MALRD1: variants seen among roughly 807,000 people sequenced by gnomAD.
MALRD1 encodes the protein MAM and LDL receptor class A domain containing 1.
A neutral mutation model predicts 242.1 loss-of-function variants in MALRD1; 247 were observed. The observed-to-expected ratio is 1.02, with a 90% CI of 0.92 to 1.13. The LOEUF (loss-of-function observed/expected upper bound fraction) is 1.13. Among genes scored for constraint, MALRD1 ranks in the 50% most tolerant of loss-of-function variants. The pLI, the probability that MALRD1 is intolerant of heterozygous loss-of-function variation, is 0.00. For missense variants in MALRD1, 2,989 were observed against 2,533.1 expected, an observed-to-expected ratio of 1.18 and a Z score of -3.86; for synonymous variants, 995 against 866.6, an observed-to-expected ratio of 1.15 and a Z score of -2.60.
At chr10:19,583,823 G>C (rs1837251702) in intron 33 of MALRD1, among the ~76,000 whole-genome samples, 1 of 151,934 alleles carries the variant, frequency 6.6e-6, no homozygotes, top group Admixed American at 6.6e-5. Flanking sequence ...TTGTACCTCT[G>C]GTAGAATTTG....
At chr10:19,616,647 T>C (rs2131612693) in intron 36 of MALRD1, among the ~76,000 whole-genome samples, 1 of 152,128 alleles carries the variant, frequency 6.6e-6, no homozygotes, top group Admixed American at 6.5e-5. Context: ...AGGTTGCTAT[T>C]CAAGTCATTA....
At chr10:19,620,009 TAATAATAATA>T (rs1442563784) in intron 36 of MALRD1, among the ~76,000 whole-genome samples, 8 of 43,638 alleles carry the variant, frequency 1.8e-4, no homozygotes, top group Non-Finnish European at 4.0e-4. Context: ...CCTGTCTCAA[TAATAATAATA>T]AATAATAATA....
At chr10:19,535,064 T>C (rs1332046192) in intron 32 of MALRD1, among the ~76,000 whole-genome samples, 1 of 152,076 alleles carries the variant, frequency 6.6e-6, no homozygotes, top group African/African-American at 2.4e-5. Context: ...TTTCGTATTT[T>C]TAGTAGAGAT....
intron 28 of MALRD1, among the ~76,000 whole-genome samples, chr10:19,418,225 T>A (rs900162670): frequency 3.3e-5 from 5 of 152,110 alleles, no homozygotes; most frequent in African/African-American, 1.2e-4. Flanking sequence ...AAGAGATATA[T>A]TCAGTAAACT....
intron 31 of MALRD1, among the ~76,000 whole-genome samples, chr10:19,526,749 T>C (rs571409017): frequency 5.3e-5 from 8 of 152,180 alleles, no homozygotes; most frequent in Admixed American, 3.3e-4. Context: ...AAAATAAATA[T>C]GCTGCAGCGA....
At chr10:19,447,654 A>G (rs1326787297) in intron 28 of MALRD1, among the ~76,000 whole-genome samples, 2 of 152,170 alleles carry the variant, frequency 1.3e-5, no homozygotes, top group African/African-American at 4.8e-5. Context: ...ATAAATAGGA[A>G]AAGTTAGTAA....
At chr10:19,228,307 G>A (rs1243972661) in intron 18 of MALRD1, among the ~76,000 whole-genome samples, 1 of 152,144 alleles carries the variant, frequency 6.6e-6, no homozygotes, top group East Asian at 1.9e-4. Context: ...AGACACCAAT[G>A]TATCATTCCA....
At chr10:19,655,518 ATATG>A (rs1841103993) in intron 36 of MALRD1, among the ~76,000 whole-genome samples, 1 of 138,944 alleles carries the variant, frequency 7.2e-6, no homozygotes, top group African/African-American at 2.6e-5. Flanking sequence ...GTGTACATAT[ATATG>A]TGTGAGTGTA....
intron 14 of MALRD1, among the ~76,000 whole-genome samples, chr10:19,195,329 G>C (rs1836188907): frequency 6.6e-6 from 1 of 152,092 alleles, no homozygotes; most frequent in Non-Finnish European, 1.5e-5. Context: ...TTCCTTGATT[G>C]TTCCTTCTCA....
At chr10:19,125,322 CTTCTTTCTTTCTTTCT>C (rs1200202607) in intron 7 of MALRD1, among the ~76,000 whole-genome samples, 330 of 63,682 alleles carry the variant, frequency 5.2e-3, no homozygotes, top group Non-Finnish European at 7.9e-3. Context: ...TCCTTCCTTC[CTTCTTTCTTTCTTTCT>C]TTCTTTCTTT....
chr10:19,162,718 T>C (rs1834486584), intron 12 of MALRD1, among the ~76,000 whole-genome samples: 1 of 151,712 alleles, frequency 6.6e-6, no homozygotes, highest in African/African-American at 2.4e-5. Context: ...TTGATAGGAG[T>C]GTAGATTAGT....
intron 36 of MALRD1, among the ~76,000 whole-genome samples, chr10:19,637,226 G>GT (rs1477451888): frequency 2.6e-5 from 4 of 152,134 alleles, no homozygotes; most frequent in East Asian, 1.9e-4. Flanking sequence ...ATATCTGATG[G>GT]TTTTAAAACT....
chr10:19,088,558 A>G (rs1226733279), intron 4 of MALRD1, among the ~76,000 whole-genome samples: 1 of 84,088 alleles, frequency 1.2e-5, no homozygotes, highest in East Asian at 3.1e-4. Context: ...TTTTTATTTT[A>G]TAAAGTTTTT....
intron 32 of MALRD1, among the ~76,000 whole-genome samples, chr10:19,543,542 G>A (rs978166474): frequency 1.4e-5 from 2 of 146,396 alleles, no homozygotes; most frequent in African/African-American, 5.0e-5. Flanking sequence ...CCAAAGTGCT[G>A]AGATTACAGG....
At chr10:19,334,584 G>C (rs1843524033) in intron 24 of MALRD1, among the ~76,000 whole-genome samples, 1 of 151,864 alleles carries the variant, frequency 6.6e-6, no homozygotes, top group African/African-American at 2.4e-5. Flanking sequence ...ATTCTTTACA[G>C]TTATAGATAT....
intron 20 of MALRD1, 142 bp from the exon 21 acceptor site, chr10:19,282,877 C>T: frequency 3.5e-6 from 2 of 566,000 alleles, no homozygotes; most frequent in South Asian, 1.5e-4. Flanking sequence ...AGTGATTTTA[C>T]AAACCATTTG....
chr10:19,204,489 C>A, intron 16 of MALRD1, 76 bp downstream of exon 16: 2 of 872,340 alleles, frequency 2.3e-6, no homozygotes, highest in African/African-American at 1.7e-5. Context: ...CATACCTCTG[C>A]ACTTATTCAT....
intron 5 of MALRD1, among the ~76,000 whole-genome samples, chr10:19,106,535 A>T (rs775592511): frequency 1.6e-4 from 24 of 151,236 alleles, no homozygotes; most frequent in Non-Finnish European, 1.5e-4. Flanking sequence ...TTTTTCCCTT[A>T]ATCCAGCTAT....
intron 36 of MALRD1, among the ~76,000 whole-genome samples, chr10:19,691,079 A>G (rs1564544553): frequency 6.6e-6 from 1 of 152,056 alleles, no homozygotes; most frequent in Non-Finnish European, 1.5e-5. Context: ...TGCACGTGTG[A>G]AAGATTGACA....
Sources: gnomAD v4.1 joint callset for allele counts (sites outside exome capture counted in the v4.1 genomes callset) on GRCh38, gnomAD v4.1.1 for gene constraint, MANE v1.5 for transcripts, NCBI Gene and HGNC (gene_info 2026-07-23, HGNC 2026-07-21) for gene names.